STXBP5L: variants seen among roughly 807,000 people sequenced by gnomAD.
STXBP5L encodes syntaxin-binding protein 5-like.
STXBP5L carries 65 observed loss-of-function variants against 144.5 expected under a neutral mutation model. That is an observed-to-expected ratio of 0.45 (90% CI 0.37 to 0.55). STXBP5L has a LOEUF of 0.55. Among genes scored for constraint, STXBP5L ranks in the 20% least tolerant of loss-of-function variants. The pLI, the probability that STXBP5L is intolerant of heterozygous loss-of-function variation, is 0.00. For synonymous variants in STXBP5L, 505 were observed against 469.6 expected, an observed-to-expected ratio of 1.08 and a Z score of -0.97; for missense variants, 1,298 against 1,405.5, an observed-to-expected ratio of 0.92 and a Z score of 1.22.
chr3:121,005,088 C>G (rs1451484064), intron 3 of STXBP5L, among the ~76,000 whole-genome samples: 1 of 152,160 alleles, frequency 6.6e-6, no homozygotes, highest in Admixed American at 6.5e-5. Flanking sequence ...GGAGGATTCC[C>G]TCTATTTCTA....
chr3:121,201,254 T>A (rs1270883483), intron 9 of STXBP5L, among the ~76,000 whole-genome samples: 1 of 152,232 alleles, frequency 6.6e-6, no homozygotes, highest in East Asian at 1.9e-4. Context: ...CATTGATCCC[T>A]TTACCATTAT....
intron 10 of STXBP5L, among the ~76,000 whole-genome samples, chr3:121,211,313 TAAG>T (rs1414098114): frequency 6.6e-6 from 1 of 152,196 alleles, no homozygotes; most frequent in African/African-American, 2.4e-5. Flanking sequence ...CTTATCAGCT[TAAG>T]GAGATTTTGG....
At chr3:120,916,580 C>T (rs949607584) in intron 2 of STXBP5L, among the ~76,000 whole-genome samples, 3 of 152,100 alleles carry the variant, frequency 2.0e-5, no homozygotes, top group Admixed American at 6.6e-5. Flanking sequence ...GGATTACAGC[C>T]GTGAGCCACC....
chr3:121,101,613 C>T (rs2043430562), intron 5 of STXBP5L, among the ~76,000 whole-genome samples: 1 of 152,018 alleles, frequency 6.6e-6, no homozygotes, highest in South Asian at 2.1e-4. Context: ...ATGATAAACA[C>T]ATAGCCAATA....
At chr3:121,376,624 T>C (rs1256259492) in intron 20 of STXBP5L, among the ~76,000 whole-genome samples, 1 of 152,210 alleles carries the variant, frequency 6.6e-6, no homozygotes, top group Non-Finnish European at 1.5e-5. Flanking sequence ...CATGCTGTTT[T>C]GGTTACTATA....
intron 3 of STXBP5L, among the ~76,000 whole-genome samples, chr3:120,963,106 G>C (rs372325193): frequency 6.6e-6 from 1 of 152,158 alleles, no homozygotes; most frequent in Non-Finnish European, 1.5e-5. Context: ...GAATGCTTTT[G>C]ATTTTTGCAG....
intron 5 of STXBP5L, among the ~76,000 whole-genome samples, chr3:121,090,081 T>G (rs983619883): frequency 1.2e-4 from 18 of 152,302 alleles, no homozygotes; most frequent in Middle Eastern, 6.8e-3. Flanking sequence ...TTGCCTTTTT[T>G]CATTCAAATT....
chr3:121,316,513 G>T (rs1430783064), intron 19 of STXBP5L, among the ~76,000 whole-genome samples: 1 of 152,088 alleles, frequency 6.6e-6, no homozygotes, highest in East Asian at 1.9e-4. Flanking sequence ...GTTTAACTTT[G>T]GAGAATTGAT....
chr3:121,223,850 C>T (rs985411683), intron 11 of STXBP5L, among the ~76,000 whole-genome samples: 1 of 151,990 alleles, frequency 6.6e-6, no homozygotes, highest in Non-Finnish European at 1.5e-5. Context: ...AATCCCAGCA[C>T]TTTGAGAGGC....
intron 3 of STXBP5L, among the ~76,000 whole-genome samples, chr3:121,021,871 C>G (rs1945581030): frequency 6.6e-6 from 1 of 151,928 alleles, no homozygotes; most frequent in African/African-American, 2.4e-5. Flanking sequence ...GAAACAAGAA[C>G]AAACCAAACC....
At chr3:121,133,102 G>A (rs541180427) in intron 7 of STXBP5L, among the ~76,000 whole-genome samples, 4 of 152,252 alleles carry the variant, frequency 2.6e-5, no homozygotes, top group African/African-American at 7.2e-5. Context: ...AGGTATGGTG[G>A]CTTATGCCTG....
At chr3:121,079,413 T>C (rs758510086) in intron 5 of STXBP5L, among the ~76,000 whole-genome samples, 1 of 152,232 alleles carries the variant, frequency 6.6e-6, no homozygotes, top group African/African-American at 2.4e-5. Context: ...TGTGGAGTTG[T>C]GGAGTATAGA....
chr3:121,060,544 A>G (rs2041218104), intron 5 of STXBP5L, among the ~76,000 whole-genome samples: 1 of 152,226 alleles, frequency 6.6e-6, no homozygotes, highest in Non-Finnish European at 1.5e-5. Flanking sequence ...TTCAGAAGGA[A>G]TGATACCAGC....
intron 3 of STXBP5L, among the ~76,000 whole-genome samples, chr3:120,993,190 C>G (rs1943065346): frequency 6.6e-6 from 1 of 151,896 alleles, no homozygotes; most frequent in South Asian, 2.1e-4. Context: ...ATTTGAGTTC[C>G]TTATATACTC....
chr3:121,131,928 A>G (rs546015823), intron 7 of STXBP5L, among the ~76,000 whole-genome samples: 45 of 152,210 alleles, frequency 3.0e-4, no homozygotes, highest in Admixed American at 7.2e-4. Context: ...CAGTAAGGAA[A>G]TTCAGGATGC....
chr3:121,235,012 T>G (rs1163085911), intron 12 of STXBP5L, among the ~76,000 whole-genome samples: 2 of 151,376 alleles, frequency 1.3e-5, no homozygotes, highest in Non-Finnish European at 3.0e-5. Context: ...ATTTTTTTAT[T>G]TAAATTTTGT....
intron 7 of STXBP5L, 73 bp from the exon 8 acceptor site, chr3:121,152,404 A>AGTTAAT: frequency 9.0e-7 from 1 of 1,114,146 alleles, no homozygotes; most frequent in Admixed American, 2.3e-5. Flanking sequence ...TACTTTATTA[A>AGTTAAT]CATTAAACTT....
chr3:121,238,845 A>G (rs1023544163), intron 12 of STXBP5L, 126 bp from the exon 13 acceptor site: 2 of 911,858 alleles, frequency 2.2e-6, no homozygotes, highest in Non-Finnish European at 3.0e-6. Flanking sequence ...TTCTTGTTTT[A>G]TGGTACTTAA....
intron 7 of STXBP5L, among the ~76,000 whole-genome samples, chr3:121,142,688 A>T (rs1454650790): frequency 6.6e-6 from 1 of 151,978 alleles, no homozygotes; most frequent in Admixed American, 6.6e-5. Flanking sequence ...AGAAATTAGA[A>T]AATATCTTGA....
Sources: allele counts gnomAD v4.1 joint callset (sites outside exome capture counted in the v4.1 genomes callset), GRCh38; gene constraint gnomAD v4.1.1; transcripts MANE v1.5; gene names NCBI Gene and HGNC (gene_info 2026-07-23, HGNC 2026-07-21).